Variants in CTNNA3 observed in about 807,000 individuals in gnomAD.
CTNNA3 encodes catenin alpha-3.
In CTNNA3, 76 loss-of-function variants were observed where a neutral mutation model predicts 95.7. The ratio of observed to expected loss-of-function variants is 0.79; its 90% CI spans 0.66 to 0.96. CTNNA3 has a LOEUF of 0.96. CTNNA3 is among the 40% of genes least tolerant of loss of function. CTNNA3 has a pLI of 0.00. For synonymous variants in CTNNA3, 431 were observed against 374.4 expected, an observed-to-expected ratio of 1.15 and a Z score of -1.74; for missense variants, 1,191 against 1,089.8, an observed-to-expected ratio of 1.09 and a Z score of -1.31.
intron 5 of CTNNA3, among the ~76,000 whole-genome samples, chr10:67,246,251 A>G (rs1377937774): frequency 6.6e-6 from 1 of 152,194 alleles, no homozygotes; most frequent in African/African-American, 2.4e-5. Context: ...TTAAATATTC[A>G]TGTCTCTAGG....
intron 11 of CTNNA3, among the ~76,000 whole-genome samples, chr10:66,428,979 A>G (rs1353344877): frequency 6.6e-6 from 1 of 152,064 alleles, no homozygotes; most frequent in Admixed American, 6.6e-5. Context: ...GTTTTTTGAA[A>G]AGATCAAAAA....
intron 13 of CTNNA3, among the ~76,000 whole-genome samples, chr10:66,187,901 G>C (rs2086426757): frequency 6.6e-6 from 1 of 152,108 alleles, no homozygotes; most frequent in South Asian, 2.1e-4. Flanking sequence ...AAAAAAAGCA[G>C]TGAATAGAAA....
At chr10:66,017,979 G>A (rs531610335) in intron 15 of CTNNA3, among the ~76,000 whole-genome samples, 2 of 152,062 alleles carry the variant, frequency 1.3e-5, no homozygotes, top group South Asian at 4.2e-4. Flanking sequence ...AAGCCCATGA[G>A]CTCGGAAGGT....
intron 9 of CTNNA3, among the ~76,000 whole-genome samples, chr10:66,725,697 T>C (rs1487170138): frequency 1.3e-5 from 2 of 152,102 alleles, no homozygotes; most frequent in African/African-American, 4.8e-5. Flanking sequence ...GTTTGAGCTA[T>C]ACGAAGTACA....
intron 5 of CTNNA3, among the ~76,000 whole-genome samples, chr10:67,231,886 C>T (rs1362521502): frequency 3.9e-5 from 6 of 151,926 alleles, no homozygotes; most frequent in Admixed American, 6.6e-5. Context: ...GGAGCCGATG[C>T]GATCAACTGG....
chr10:67,631,540 T>G (rs1264685447), intron 2 of CTNNA3, among the ~76,000 whole-genome samples: 1 of 152,152 alleles, frequency 6.6e-6, no homozygotes, highest in Non-Finnish European at 1.5e-5. Flanking sequence ...AGATAAATCA[T>G]GAGGAAAGTG....
Position 66,091,320 on chromosome 10 carries a change from T to C in CTNNA3, c.1977+11837A>G, listed in dbSNP as rs1564633627. Among the ~76,000 whole-genome samples, 5 of 152,052 alleles carry C rather than the reference T, an allele frequency of 3.3e-5. No homozygotes were observed. The South Asian group carries it at 8.3e-4, about 25-fold the overall frequency. On this transcript the variant is annotated intron_variant, in intron 14 of 17. Transcript: ENST00000433211. Reference sequence around the variant, plus strand: ...CTACTAAAATACTATTTTGGAAATATAGGAGCTACCCTATTTATTCTGTAG... The same window carrying C: ...CTACTAAAATACTATTTTGGAAATACAGGAGCTACCCTATTTATTCTGTAG...
chr10:67,306,265 G>A (rs1004038657), intron 5 of CTNNA3, among the ~76,000 whole-genome samples: 3 of 152,096 alleles, frequency 2.0e-5, no homozygotes, highest in Admixed American at 6.5e-5. Flanking sequence ...GATAAAGTTT[G>A]GGAAAAATAG....
At chr10:66,123,487 T>C (rs1214893788) in intron 13 of CTNNA3, among the ~76,000 whole-genome samples, 1 of 152,102 alleles carries the variant, frequency 6.6e-6, no homozygotes, top group East Asian at 1.9e-4. Flanking sequence ...GTGTAAACTG[T>C]CAGTGGATCT....
chr10:67,589,640 T>C (rs1842735055), intron 3 of CTNNA3, among the ~76,000 whole-genome samples: 1 of 152,256 alleles, frequency 6.6e-6, no homozygotes, highest in Middle Eastern at 3.4e-3. Context: ...GTTCTTTTTA[T>C]ATTCATCAAA....
intron 11 of CTNNA3, among the ~76,000 whole-genome samples, chr10:66,391,277 C>CTT (rs34961827): frequency 0.2 from 30,172 of 151,866 alleles, 3,632 homozygotes; most frequent in African/African-American, 0.35. Flanking sequence ...CTCTGCAGCA[C>CTT]TTATTCACAC....
intron 5 of CTNNA3, among the ~76,000 whole-genome samples, chr10:67,439,877 C>T (rs181839013): frequency 6.6e-6 from 1 of 152,304 alleles, no homozygotes; most frequent in East Asian, 1.9e-4. Flanking sequence ...CTGAGACATG[C>T]TGGCTTTAGG....
intron 1 of CTNNA3, among the ~76,000 whole-genome samples, chr10:67,723,807 T>C (rs1841193328): frequency 1.3e-5 from 2 of 152,102 alleles, no homozygotes; most frequent in South Asian, 2.1e-4. Flanking sequence ...AATTCTCTCA[T>C]GCAGTCAGTG....
rs114709425 is a variant in CTNNA3 at position 67,198,963 on chromosome 10, A to C, written c.844-18443T>G. Among the ~76,000 whole-genome samples, 653 of 152,116 alleles carry C rather than the reference A, an allele frequency of 4.3e-3. 5 individuals carry two copies. The highest frequency in any genetic ancestry group is 0.015 in the African/African-American group (603 of 41,478). ...TTTCATCCTATTAAGGAACAAGAAC[A>C]TGTGCAATATAAGGAGGAGGGGGAG... On this transcript the variant is annotated intron_variant, in intron 6 of 17. Transcript: ENST00000433211.
At chr10:66,288,593 A>T (rs564283619) in intron 12 of CTNNA3, among the ~76,000 whole-genome samples, 72 of 152,102 alleles carry the variant, frequency 4.7e-4, no homozygotes, top group Non-Finnish European at 9.3e-4. Flanking sequence ...ACAATTAAAC[A>T]TTTATTTCCT....
intron 17 of CTNNA3, among the ~76,000 whole-genome samples, chr10:65,935,100 T>C (rs148698058): frequency 2.4e-4 from 36 of 152,276 alleles, no homozygotes; most frequent in African/African-American, 8.4e-4. Context: ...CCTGTTCATA[T>C]AACATGATAT....
At chr10:67,310,178 T>C (rs893306761) in intron 5 of CTNNA3, among the ~76,000 whole-genome samples, 2 of 152,176 alleles carry the variant, frequency 1.3e-5, no homozygotes, top group Non-Finnish European at 2.9e-5. Flanking sequence ...GGAAAGCATA[T>C]TGCAAAGTTC....
At chr10:66,512,562 T>C (rs1840699165) in intron 11 of CTNNA3, among the ~76,000 whole-genome samples, 1 of 152,098 alleles carries the variant, frequency 6.6e-6, no homozygotes, top group East Asian at 1.9e-4. Context: ...ACTTTCATGT[T>C]TTTCCTTAAT....
At chr10:67,033,157 C>T (rs1925627) in intron 7 of CTNNA3, among the ~76,000 whole-genome samples, 64,390 of 152,034 alleles carry the variant, frequency 0.42, 14,134 homozygotes, top group Middle Eastern at 0.62. Context: ...TTTTAGAGAT[C>T]ATTGCTTTCA....
Sources: gnomAD v4.1 joint callset for allele counts (sites outside exome capture counted in the v4.1 genomes callset) on GRCh38, gnomAD v4.1.1 for gene constraint, MANE v1.5 for transcripts, NCBI Gene and HGNC (gene_info 2026-07-23, HGNC 2026-07-21) for gene names.